Variants in CPS1 observed in about 807,000 individuals in gnomAD.
CPS1 encodes carbamoyl-phosphate synthase 1, also known as carbamoyl-phosphate synthase [ammonia], mitochondrial.
In CPS1, 109 loss-of-function variants were observed where a neutral mutation model predicts 174.6. That is an observed-to-expected ratio of 0.62 (90% CI 0.53 to 0.73). The LOEUF (loss-of-function observed/expected upper bound fraction) is 0.73, where lower values mean the gene tolerates loss of function less well. CPS1 is among the 30% of genes least tolerant of loss of function. CPS1 has a pLI of 0.00. For synonymous variants in CPS1, 637 were observed against 632.0 expected, an observed-to-expected ratio of 1.01 and a Z score of -0.12; for missense variants, 1,689 against 1,821.9, an observed-to-expected ratio of 0.93 and a Z score of 1.33.
At chr2:210,566,371 C>G (rs1268010665) in intron 1 of CPS1, among the ~76,000 whole-genome samples, 1 of 152,088 alleles carries the variant, frequency 6.6e-6, no homozygotes, top group Non-Finnish European at 1.5e-5. Context: ...AGGATCAGTG[C>G]AAATTGTTCT....
At chr2:210,608,259 A>G in intron 18 of CPS1, 102 bp from the exon 19 acceptor site, 1 of 1,052,226 alleles carries the variant, frequency 9.5e-7, no homozygotes, top group Admixed American at 1.8e-5. Flanking sequence ...TATACCCTGA[A>G]GTAGAATAAT....
chr2:210,599,614 A>G (rs1698637711), intron 14 of CPS1, 53 bp downstream of exon 14: 1 of 1,553,992 alleles, frequency 6.4e-7, no homozygotes, highest in Non-Finnish European at 8.9e-7. Context: ...CTGCTGTGTA[A>G]TGTATTTTAT....
At chr2:210,649,793 A>G (rs1469321585) in intron 27 of CPS1, among the ~76,000 whole-genome samples, 2 of 152,214 alleles carry the variant, frequency 1.3e-5, no homozygotes, top group Non-Finnish European at 2.9e-5. Context: ...GATTTCAGAT[A>G]GCATTTTTTC....
At chr2:210,479,760 T>C (rs1230674656) in intron 1 of CPS1, among the ~76,000 whole-genome samples, 3 of 152,230 alleles carry the variant, frequency 2.0e-5, no homozygotes, top group African/African-American at 7.2e-5. Flanking sequence ...TTGACAGTTA[T>C]AATTTTTTAT....
Position 210,595,479 on chromosome 2 carries a change from G to A in CPS1, c.1264-8G>A, listed in dbSNP as rs1698453317. ...GTAATAACAGTGTCTTTTTCTTATT[G>A]CTTATAGGTTTCCAAAGTCCTTATT... On this transcript the variant is annotated splice_polypyrimidine_tract_variant and splice_region_variant and intron_variant, in intron 12 of 37. Transcript: ENST00000233072. 1 of 1,596,904 alleles carries A rather than the reference G, an allele frequency of 6.3e-7. No homozygotes were observed. The highest frequency in any genetic ancestry group is 2.2e-5 in the East Asian group (1 of 44,600).
At chr2:210,577,216 C>T in intron 3 of CPS1, 2 of 590,894 alleles carry the variant, frequency 3.4e-6, no homozygotes, top group Non-Finnish European at 6.0e-6. Flanking sequence ...GCCAGGTAAG[C>T]CTGCTCCCTC....
At chr2:210,637,988 C>A in intron 22 of CPS1, 145 bp downstream of exon 22, 1 of 909,062 alleles carries the variant, frequency 1.1e-6, no homozygotes, top group Non-Finnish European at 1.8e-6. Context: ...CTCATAATGT[C>A]ACCAATTTTA....
At chr2:210,574,462 A>G (rs1461744040) in intron 2 of CPS1, among the ~76,000 whole-genome samples, 1 of 152,070 alleles carries the variant, frequency 6.6e-6, no homozygotes, top group African/African-American at 2.4e-5. Context: ...CCTGTGTGAA[A>G]TGAAGAATAT....
chr2:210,639,485 G>A (rs866286262), intron 23 of CPS1, among the ~76,000 whole-genome samples: 10 of 151,126 alleles, frequency 6.6e-5, no homozygotes, highest in South Asian at 4.2e-4. Flanking sequence ...GGTGGCGGGC[G>A]CCTGTAGTCC....
At chr2:210,517,247 C>T (rs981062273) in intron 1 of CPS1, among the ~76,000 whole-genome samples, 5 of 151,866 alleles carry the variant, frequency 3.3e-5, no homozygotes, top group African/African-American at 4.8e-5. Flanking sequence ...AGCAGTTAAA[C>T]GTTTAGTTGT....
intron 33 of CPS1, among the ~76,000 whole-genome samples, chr2:210,666,458 A>G (rs1701100503): frequency 6.6e-6 from 1 of 151,878 alleles, no homozygotes; most frequent in Non-Finnish European, 1.5e-5. Context: ...TTATGGTTTT[A>G]GGTCTAACGT....
At chr2:210,668,381 T>C (rs1174269971) in intron 34 of CPS1, 97 bp downstream of exon 34, 4 of 878,426 alleles carry the variant, frequency 4.6e-6, no homozygotes, top group Non-Finnish European at 7.8e-6. Flanking sequence ...GAAGGGAGAT[T>C]TGTTTTACGT....
chr2:210,674,418 A>C (rs1204936595), intron 34 of CPS1: 1 of 160,578 alleles, frequency 6.2e-6, no homozygotes, highest in Non-Finnish European at 1.4e-5. Flanking sequence ...GCAGTGAGCC[A>C]AGATCGTGCC....
intron 13 of CPS1, among the ~76,000 whole-genome samples, chr2:210,596,662 CTTTAA>C (rs1438947613): frequency 2.0e-5 from 3 of 151,744 alleles, no homozygotes; most frequent in Non-Finnish European, 4.4e-5. Flanking sequence ...TTGTATTATG[CTTTAA>C]TTTCTCATTA....
intron 1 of CPS1, among the ~76,000 whole-genome samples, chr2:210,500,510 A>G (rs1015138811): frequency 1.2e-4 from 19 of 152,156 alleles, no homozygotes; most frequent in African/African-American, 3.9e-4. Flanking sequence ...AATGGGAGAA[A>G]TTGGCCAAAA....
At chr2:210,621,455 T>A (rs1022045679) in intron 21 of CPS1, among the ~76,000 whole-genome samples, 3 of 152,146 alleles carry the variant, frequency 2.0e-5, no homozygotes, top group African/African-American at 7.2e-5. Flanking sequence ...GTCCATTAGC[T>A]TTCACTGCTA....
intron 4 of CPS1, among the ~76,000 whole-genome samples, chr2:210,577,737 T>C (rs564589194): frequency 6.6e-6 from 1 of 152,310 alleles, no homozygotes; most frequent in South Asian, 2.1e-4. Context: ...TCATACATGC[T>C]TGGTAGCACT....
chr2:210,639,283 T>A, intron 23 of CPS1, 68 bp downstream of exon 23: 1 of 1,239,678 alleles, frequency 8.1e-7, no homozygotes, highest in Non-Finnish European at 1.2e-6. Context: ...TTAGGGAATA[T>A]ATATTTTTTA....
At chr2:210,501,716 A>G (rs971923044) in intron 1 of CPS1, among the ~76,000 whole-genome samples, 2 of 152,180 alleles carry the variant, frequency 1.3e-5, no homozygotes, top group Non-Finnish European at 2.9e-5. Context: ...CATTTTAGTC[A>G]AAACCATTAG....
Sources: allele counts gnomAD v4.1 joint callset (sites outside exome capture counted in the v4.1 genomes callset), GRCh38; gene constraint gnomAD v4.1.1; transcripts MANE v1.5; gene names NCBI Gene and HGNC (gene_info 2026-07-23, HGNC 2026-07-21).